RIC1: variants seen among roughly 807,000 people sequenced by gnomAD.
The protein encoded by RIC1 is guanine nucleotide exchange factor subunit RIC1.
In RIC1, 88 loss-of-function variants were observed where a neutral mutation model predicts 169.0. The ratio of observed to expected loss-of-function variants is 0.52; its 90% CI spans 0.44 to 0.62. The LOEUF is 0.62. Among genes scored for constraint, RIC1 ranks in the 20% least tolerant of loss-of-function variants. RIC1 has a pLI of 0.00. For missense variants in RIC1, 1,877 were observed against 1,725.5 expected, an observed-to-expected ratio of 1.09 and a Z score of -1.56; for synonymous variants, 790 against 601.5, an observed-to-expected ratio of 1.31 and a Z score of -4.59.
chr9:5,682,356 G>A (rs1820902711), intron 2 of RIC1, among the ~76,000 whole-genome samples: 1 of 152,120 alleles, frequency 6.6e-6, no homozygotes, highest in Admixed American at 6.5e-5. Flanking sequence ...CAGGCCTGGT[G>A]GGGACAAAAT....
At chr9:5,687,960 T>G (rs987478662) in intron 2 of RIC1, among the ~76,000 whole-genome samples, 4 of 152,188 alleles carry the variant, frequency 2.6e-5, no homozygotes, top group Non-Finnish European at 5.9e-5. Context: ...TTTTTATTGC[T>G]GTGCTTTTCT....
At chr9:5,772,085 A>T (rs1418325173) in intron 23 of RIC1, among the ~76,000 whole-genome samples, 1 of 152,204 alleles carries the variant, frequency 6.6e-6, no homozygotes, top group Non-Finnish European at 1.5e-5. Context: ...AGATTTAAAT[A>T]AGGTTCACAT....
Position 5,720,721 on chromosome 9 carries a change from A to T in RIC1, c.691A>T (p.Thr231Ser). The change falls in exon 6 of 26, where the codon ACA becomes TCA. Residue 231 changes from threonine to serine, a missense_variant. Thr to Ser is a moderately conservative substitution (Grantham distance 58, BLOSUM62 1). Transcript: ENST00000414202. Reference sequence around the variant, plus strand: ...TAATGATGGTAAAGTTGGATTTATTACACCAGTGTCAAGTAGATTTACTGC... The same window carrying T: ...TAATGATGGTAAAGTTGGATTTATTTCACCAGTGTCAAGTAGATTTACTGC... ...VFNDGKVGFI[T>S]PVSSRFTAEQ... The T allele has an allele frequency of 1.2e-6, 2 of 1,610,956 alleles. No homozygotes were observed. Among genetic ancestry groups the T allele is most frequent in the Non-Finnish European group, 1.7e-6 (2 of 1,178,784 alleles).
intron 2 of RIC1, among the ~76,000 whole-genome samples, chr9:5,683,749 G>T (rs1821009317): frequency 6.6e-6 from 1 of 152,210 alleles, no homozygotes; most frequent in South Asian, 2.1e-4. Flanking sequence ...CAGAGGTGGA[G>T]ACTGCTGAGG....
At chr9:5,777,724 T>C (rs1489293164), downstream of RIC1, among the ~76,000 whole-genome samples, 5 of 152,176 alleles carry the variant, frequency 3.3e-5, no homozygotes, top group African/African-American at 1.2e-4. Context: ...GGCTATTCAA[T>C]TGTCAGAGCA....
chr9:5,675,036 G>A (rs1820357350), intron 2 of RIC1, among the ~76,000 whole-genome samples: 1 of 152,186 alleles, frequency 6.6e-6, no homozygotes, highest in African/African-American at 2.4e-5. Flanking sequence ...CTATAGAGGG[G>A]TGCGCCCTTA....
At chr9:5,655,587 C>T (rs1586888970) in intron 1 of RIC1, among the ~76,000 whole-genome samples, 2 of 152,110 alleles carry the variant, frequency 1.3e-5, no homozygotes, top group Admixed American at 6.5e-5. Flanking sequence ...AGGCATGAGC[C>T]GTGGCGCCCG....
chr9:5,694,418 A>G (rs1167356627), intron 3 of RIC1, among the ~76,000 whole-genome samples: 1 of 152,194 alleles, frequency 6.6e-6, no homozygotes, highest in Non-Finnish European at 1.5e-5. Context: ...TAAACTTGAC[A>G]AAGTATGTTA....
chr9:5,719,677 G>A (rs1465591868), intron 4 of RIC1, among the ~76,000 whole-genome samples: 5 of 152,008 alleles, frequency 3.3e-5, no homozygotes, highest in Non-Finnish European at 1.5e-5. Flanking sequence ...TTATTTTATT[G>A]CACTAGCCAT....
At chr9:5,768,307 C>T (rs1826939824) in intron 21 of RIC1, among the ~76,000 whole-genome samples, 1 of 152,150 alleles carries the variant, frequency 6.6e-6, no homozygotes, top group Non-Finnish European at 1.5e-5. Flanking sequence ...GGGAGGATTG[C>T]TTGAGGCCAG....
intron 3 of RIC1, among the ~76,000 whole-genome samples, chr9:5,707,067 G>A (rs1242455534): frequency 6.6e-6 from 1 of 152,058 alleles, no homozygotes; most frequent in Non-Finnish European, 1.5e-5. Context: ...TTCATTCACT[G>A]TATCCCATAA....
rs571309347 is a variant in RIC1 at position 5,667,874 on chromosome 9, T to C, written c.252+11184T>C. On this transcript the variant is annotated intron_variant, in intron 2 of 25. Transcript: ENST00000414202. ...GCCAGTTACCCAGCTCCAAAGTTGCTTCCACATTTTTGGGTATCTTTATAG... is the reference window on the plus strand; with the variant it reads ...GCCAGTTACCCAGCTCCAAAGTTGCCTCCACATTTTTGGGTATCTTTATAG... Among the ~76,000 whole-genome samples, 288 of 152,158 alleles carry C rather than the reference T, an allele frequency of 1.9e-3. 4 individuals are homozygous for C. Among genetic ancestry groups the C allele is most frequent in the Non-Finnish European group, 1.9e-3 (128 of 68,022 alleles).
intron 12 of RIC1, among the ~76,000 whole-genome samples, 171 bp downstream of exon 12, chr9:5,747,676 C>T (rs956334200): frequency 2.0e-5 from 3 of 152,220 alleles, no homozygotes; most frequent in African/African-American, 7.2e-5. Context: ...CTTCTCCCTC[C>T]TTTCTTTCCA....
chr9:5,658,974 G>T (rs1819279800), intron 2 of RIC1, among the ~76,000 whole-genome samples: 1 of 151,744 alleles, frequency 6.6e-6, no homozygotes. Flanking sequence ...ATGTCATTAA[G>T]GACCAGCATT....
intron 11 of RIC1, among the ~76,000 whole-genome samples, chr9:5,746,926 C>A (rs1825411524): frequency 6.6e-6 from 1 of 152,134 alleles, no homozygotes; most frequent in Non-Finnish European, 1.5e-5. Context: ...TTTCTCCCTC[C>A]CCTTCCCCAT....
rs142724963 is a variant in RIC1, at chr9:5,727,330, G to A, written c.721-5058G>A. On this transcript the variant is annotated intron_variant, in intron 6 of 25. Coordinates refer to ENST00000414202, the MANE Select transcript of RIC1 (RefSeq NM_020829.4). ...TGATCTTCAATCATTCGATCAAATCGGCTACTGAAGCTTGTGCAGGCATCA... is the reference window on the plus strand; with the variant it reads ...TGATCTTCAATCATTCGATCAAATCAGCTACTGAAGCTTGTGCAGGCATCA... 5.1e-3 allele frequency among the ~76,000 whole-genome samples: 774 copies of A among 151,196 alleles called. 8 individuals carry two copies. Among genetic ancestry groups the A allele is most frequent in the African/African-American group, 0.018 (730 of 41,340 alleles).
Position 5,737,269 on chromosome 9 carries a change from G to T in RIC1, c.813-1181G>T, listed in dbSNP as rs984086881. Among the ~76,000 whole-genome samples the T allele has an allele frequency of 2.7e-5, 4 of 146,244 alleles. No homozygotes were observed. In the Middle Eastern group the frequency reaches 0.01, roughly 373 times the overall value. ...ATAGAGATTTTACTTCTGGCTTCAGGCCCTTCAGAAATTTGACCCTTGTAA... is the reference window on the plus strand; with the variant it reads ...ATAGAGATTTTACTTCTGGCTTCAGTCCCTTCAGAAATTTGACCCTTGTAA... On this transcript the variant is annotated intron_variant, in intron 7 of 25. Coordinates refer to ENST00000414202, the MANE Select transcript of RIC1 (RefSeq NM_020829.4).
intron 2 of RIC1, among the ~76,000 whole-genome samples, chr9:5,685,895 T>C (rs1234189653): frequency 6.9e-6 from 1 of 145,130 alleles, no homozygotes; most frequent in Non-Finnish European, 1.5e-5. Flanking sequence ...AGGGCTAATA[T>C]CCAGAATCTA....
chr9:5,728,819 G>A (rs577090514), intron 6 of RIC1, among the ~76,000 whole-genome samples: 15 of 152,152 alleles, frequency 9.9e-5, no homozygotes, highest in South Asian at 4.2e-4. Context: ...TATTTGTGTC[G>A]GATCTTTTAA....
Sources: allele counts gnomAD v4.1 joint callset (sites outside exome capture counted in the v4.1 genomes callset), GRCh38; gene constraint gnomAD v4.1.1; transcripts MANE v1.5; gene names NCBI Gene and HGNC (gene_info 2026-07-23, HGNC 2026-07-21).